Variants in AREL1 observed in about 807,000 individuals in gnomAD.
The protein encoded by AREL1 is apoptosis-resistant E3 ubiquitin protein ligase 1.
AREL1 carries 62 observed loss-of-function variants against 99.0 expected under a neutral mutation model. That is an observed-to-expected ratio of 0.63 (90% CI 0.51 to 0.77). The LOEUF is 0.77. Among genes scored for constraint, AREL1 ranks in the 30% least tolerant of loss-of-function variants. AREL1 has a pLI of 0.00. For missense variants in AREL1, 879 were observed against 1,027.6 expected (o/e 0.86, Z 1.98); for synonymous variants, 380 against 376.5 (o/e 1.01, Z -0.11).
intron 1 of AREL1, among the ~76,000 whole-genome samples, chr14:74,707,788 G>C (rs1267127679): frequency 2.4e-5 from 1 of 40,888 alleles, no homozygotes; most frequent in African/African-American, 8.4e-5. Flanking sequence ...AGTGAGATTC[G>C]TCTCAAAAAA....
intron 8 of AREL1, among the ~76,000 whole-genome samples, chr14:74,674,409 G>C (rs962791396): frequency 8.5e-5 from 13 of 152,280 alleles, no homozygotes; most frequent in African/African-American, 3.1e-4. Flanking sequence ...AGACCAGCCT[G>C]GCCAACATGG....
chr14:74,691,324 T>TAAA (rs11407786), intron 2 of AREL1, among the ~76,000 whole-genome samples: 42 of 72,748 alleles, frequency 5.8e-4, no homozygotes, highest in Admixed American at 8.0e-4. Flanking sequence ...TGTCTCCATT[T>TAAA]AAAAAAAAAA....
chr14:74,676,293 C>A lies in AREL1; in HGVS notation c.680G>T (p.Gly227Val), dbSNP rs1329444276. ...ELGPQEEEST[G>V]VSFEKSVTSN... is the part of the protein sequence containing the mutation. ...TGTTACTGATTTCTCAAATGAGACA[C>A]CAGTACTCTCTTCTTCTTGAGGGCC... Residue 227 changes from glycine (G) to valine (V), a missense_variant, in exon 7 of 20, where the codon GGT becomes GTT. By Grantham distance (109) the Gly-to-Val change is moderately radical. Coordinates refer to ENST00000356357, the MANE Select transcript of AREL1 (RefSeq NM_001039479.2). The A allele has an allele frequency of 6.2e-7, 1 of 1,614,058 alleles. No homozygotes were observed. The highest frequency in any genetic ancestry group is 1.1e-5 in the South Asian group (1 of 91,066).
intron 3 of AREL1, 132 bp downstream of exon 3, chr14:74,685,468 G>A: frequency 1.9e-6 from 2 of 1,031,936 alleles, no homozygotes; most frequent in Non-Finnish European, 2.9e-6. Flanking sequence ...CCAACTCTGT[G>A]AAGGTACATT....
rs1277298816 is a variant in AREL1 at position 74,676,413 on chromosome 14, T to G, written c.652-92A>C. ...TTACAAAGAGCTTTCCTATCTATGA[T>G]CTAATCTAAATCACAAAATTACTAA... is the stretch of plus-strand genomic sequence containing the variant. On this transcript the variant is annotated intron_variant, in intron 6 of 19. Transcript: ENST00000356357. 6.1e-6 allele frequency: 9 copies of G among 1,484,078 alleles called. No homozygotes were observed. In the East Asian group the frequency reaches 1.8e-4, roughly 30 times the overall value. The allele number at this position is 1,484,078 out of a possible 1,614,324, so 91.9% of individuals were successfully genotyped here.
At position 74,664,939 on chromosome 14, in the gene AREL1, G is replaced by A; in HGVS notation, c.2104-14C>T. ...ACACATCAGCAGCTGGAAAAAGATGGTAAGGTGTTACTATGACAGTCAGAG... is the reference window on the plus strand; with the variant it reads ...ACACATCAGCAGCTGGAAAAAGATGATAAGGTGTTACTATGACAGTCAGAG... On this transcript the variant is annotated splice_polypyrimidine_tract_variant and intron_variant, in intron 17 of 19. Coordinates refer to ENST00000356357, the MANE Select transcript of AREL1 (RefSeq NM_001039479.2). 6.2e-7 allele frequency: 1 copy of A among 1,610,154 alleles called. No homozygotes were observed. Among genetic ancestry groups the A allele is most frequent in the Non-Finnish European group, 8.5e-7 (1 of 1,176,870 alleles).
In AREL1 at chr14:74,670,877, A is replaced by G. The variant is rs775944511; in HGVS notation, c.1499-6T>C. On this transcript the variant is annotated splice_region_variant and splice_polypyrimidine_tract_variant and intron_variant, in intron 12 of 19. Coordinates refer to ENST00000356357, the MANE Select transcript of AREL1 (RefSeq NM_001039479.2). ...AGGCCCTCCCCAGTCCAGAGCTGAAAAGCATAATGAAAATAAAAAATGACT... is the reference window on the plus strand; with the variant it reads ...AGGCCCTCCCCAGTCCAGAGCTGAAGAGCATAATGAAAATAAAAAATGACT... 2 of 1,613,192 alleles carry G rather than the reference A, an allele frequency of 1.2e-6. No individual in the cohort carries two copies. The highest frequency in any genetic ancestry group is 1.1e-5 in the South Asian group (1 of 90,960).
chr14:74,710,586 A>T (rs745949543), intron 1 of AREL1, among the ~76,000 whole-genome samples: 2 of 152,182 alleles, frequency 1.3e-5, no homozygotes, highest in Non-Finnish European at 2.9e-5. Flanking sequence ...AATCACCAAG[A>T]GATACATCAA....
intron 5 of AREL1, among the ~76,000 whole-genome samples, chr14:74,681,205 T>A (rs1342540528): frequency 4.6e-5 from 7 of 151,900 alleles, no homozygotes; most frequent in Admixed American, 4.6e-4. Context: ...AAAACATTCC[T>A]ATACCACGTT....
intron 1 of AREL1, among the ~76,000 whole-genome samples, chr14:74,699,147 G>A (rs1037697288): frequency 6.6e-6 from 1 of 152,128 alleles, no homozygotes; most frequent in Non-Finnish European, 1.5e-5. Flanking sequence ...GTCCTCAAAC[G>A]ACATCAGTTT....
Position 74,665,270 on chromosome 14 carries a change from C to CT in AREL1, c.2104-346dup, listed in dbSNP as rs546774095. 9.9e-3 allele frequency among the ~76,000 whole-genome samples: 1,347 copies of CT among 136,362 alleles called. 12 individuals are homozygous for CT. The highest frequency in any genetic ancestry group is 0.03 in the East Asian group (142 of 4,770). The allele number at this position is 136,362 out of a possible 152,430, so 89.5% of individuals were successfully genotyped here. A position where few individuals can be genotyped will look rare whatever the true frequency, so the allele number is the denominator to read the frequency against. On this transcript the variant is annotated intron_variant, in intron 17 of 19. Transcript: ENST00000356357. The stretch of plus-strand genomic sequence containing the variant: ...AATTGCTCAGGTATTTCTTTCTTTT[C>CT]TTTTTTTTTTTTTTTTTGAGACGGA...
rs761252398 is a variant in AREL1, at chr14:74,675,930, G to C, written c.849C>G (p.Ile283Met). ...IIVLSEDEKN[I>M]VERNVSTSGV... ...CTGAAGTGGACACATTGCGTTCGAC[G>C]ATATTCTTCTCATCCTCTGAAGTAT... is the stretch of plus-strand genomic sequence containing the variant. The change falls in exon 8 of 20, where the codon ATC becomes ATG. Residue 283 changes from isoleucine to methionine, a missense_variant. Transcript: ENST00000356357. The C allele has an allele frequency of 4.4e-6, 7 of 1,595,882 alleles. No homozygotes were observed. The Admixed American group carries it at 1.2e-4, about 28-fold the overall frequency.
In AREL1 at chr14:74,713,051, C is replaced by T; in HGVS notation, c.-452G>A. 1 of 1,468,108 alleles carries T rather than the reference C, an allele frequency of 6.8e-7. No individual in the cohort carries two copies. Among genetic ancestry groups the T allele is most frequent in the Non-Finnish European group, 9.5e-7 (1 of 1,049,210 alleles). The allele number at this position is 1,468,108 out of a possible 1,614,324, so 90.9% of individuals were successfully genotyped here. On this transcript the variant is annotated 5_prime_UTR_variant, in exon 1 of 20. Coordinates refer to ENST00000356357, the MANE Select transcript of AREL1 (RefSeq NM_001039479.2). The stretch of plus-strand genomic sequence containing the variant: ...ACCAACAGACCCCAGAGTTGGTCTC[C>T]ACCCGGCCTGGGAACCGGCTCGGGG...
intron 5 of AREL1, among the ~76,000 whole-genome samples, chr14:74,682,263 C>T (rs1262502234): frequency 4.6e-5 from 7 of 152,274 alleles, no homozygotes; most frequent in African/African-American, 1.7e-4. Context: ...AATCTTAAGG[C>T]CCCACTCAGT....
Position 74,708,661 on chromosome 14 carries a change from AG to A in AREL1, c.-334+4271del, listed in dbSNP as rs3834533. Among the ~76,000 whole-genome samples the A allele has an allele frequency of 7.0e-3, 1,067 of 152,364 alleles. 18 individuals carry two copies. The highest frequency in any genetic ancestry group is 0.036 in the East Asian group (186 of 5,190). On this transcript the variant is annotated intron_variant, in intron 1 of 19. Transcript: ENST00000356357. Reference sequence around the variant, plus strand: ...TACAATATATAGAAAATCAATTAACAGATGTTAACTATTGGCATCTCAACAG... The same window carrying A: ...TACAATATATAGAAAATCAATTAACAATGTTAACTATTGGCATCTCAACAG...
chr14:74,683,465 A>G lies in AREL1; in HGVS notation c.312T>C (p.His104=), dbSNP rs1477671756. ...RPVGLRVHIS[H]VELAVEIPVT... ...CTGGAATTTCCACTGCTAGCTCGACATGAGAGATGTGAACTCTTAGTCCCA... is the reference window on the plus strand; with the variant it reads ...CTGGAATTTCCACTGCTAGCTCGACGTGAGAGATGTGAACTCTTAGTCCCA... The change falls in exon 5 of 20, where the codon CAT becomes CAC. Residue 104 remains histidine (H), a synonymous_variant. Transcript: ENST00000356357. 4.3e-6 allele frequency: 7 copies of G among 1,614,140 alleles called. No homozygotes were observed. The highest frequency in any genetic ancestry group is 5.9e-6 in the Non-Finnish European group (7 of 1,180,018).
At chr14:74,667,056 T>G (rs2089224793) in intron 17 of AREL1, among the ~76,000 whole-genome samples, 1 of 152,178 alleles carries the variant, frequency 6.6e-6, no homozygotes, top group African/African-American at 2.4e-5. Flanking sequence ...TATTAATTAT[T>G]ACTCTTCATA....
chr14:74,696,314 T>C (rs2089978642), intron 1 of AREL1, among the ~76,000 whole-genome samples: 1 of 152,242 alleles, frequency 6.6e-6, no homozygotes, highest in Non-Finnish European at 1.5e-5. Context: ...ACTTGCAATG[T>C]TATGCAAACA....
intron 4 of AREL1, among the ~76,000 whole-genome samples, chr14:74,684,063 C>T (rs2089693651): frequency 6.6e-6 from 1 of 152,128 alleles, no homozygotes; most frequent in Admixed American, 6.5e-5. Context: ...GGACCGTACA[C>T]AACTACTCAA....
Sources: allele counts gnomAD v4.1 joint callset (sites outside exome capture counted in the v4.1 genomes callset), GRCh38; gene constraint gnomAD v4.1.1; transcripts MANE v1.5; gene names NCBI Gene and HGNC (gene_info 2026-07-23, HGNC 2026-07-21).